Variants in KSR2 observed in about 807,000 individuals in gnomAD.
KSR2 encodes kinase suppressor of ras 2.
KSR2 carries 25 observed loss-of-function variants against 107.8 expected under a neutral mutation model. The observed-to-expected ratio is 0.23, with a 90% CI of 0.17 to 0.32. KSR2 has a LOEUF of 0.32. Among genes scored for constraint, KSR2 ranks in the 10% least tolerant of loss-of-function variants. The pLI is 1.00. For synonymous variants in KSR2, 480 were observed against 507.0 expected (o/e 0.95, Z 0.71); for missense variants, 887 against 1,268.9 (o/e 0.70, Z 4.57).
intron 1 of KSR2, among the ~76,000 whole-genome samples, chr12:117,917,092 C>A (rs1376435754): frequency 6.6e-6 from 1 of 152,152 alleles, no homozygotes; most frequent in African/African-American, 2.4e-5. Context: ...AGTAGCACAC[C>A]ATCCTCCCCA....
At chr12:117,471,035 A>G (rs918316348) in intron 18 of KSR2, among the ~76,000 whole-genome samples, 156 bp downstream of exon 18, 7 of 152,182 alleles carry the variant, frequency 4.6e-5, no homozygotes, top group Non-Finnish European at 8.8e-5. Flanking sequence ...CTTGCCTTTT[A>G]AGCTTCAAAC....
intron 14 of KSR2, among the ~76,000 whole-genome samples, chr12:117,519,745 T>C (rs565553066): frequency 6.6e-6 from 1 of 152,180 alleles, no homozygotes; most frequent in Non-Finnish European, 1.5e-5. Context: ...GTGTGTAATT[T>C]AGCGTATATA....
At chr12:117,951,593 C>T (rs937986033) in intron 1 of KSR2, among the ~76,000 whole-genome samples, 1 of 152,110 alleles carries the variant, frequency 6.6e-6, no homozygotes, top group Non-Finnish European at 1.5e-5. Context: ...TCCAACAACT[C>T]CAGACCCCCC....
At chr12:117,858,414 C>T (rs996661093) in intron 2 of KSR2, among the ~76,000 whole-genome samples, 2 of 151,978 alleles carry the variant, frequency 1.3e-5, no homozygotes, top group South Asian at 2.1e-4. Context: ...TAAGGAAATA[C>T]GAGATTGCGC....
intron 3 of KSR2, among the ~76,000 whole-genome samples, chr12:117,835,299 T>C (rs1892156665): frequency 6.6e-6 from 1 of 152,086 alleles, no homozygotes; most frequent in Non-Finnish European, 1.5e-5. Context: ...CAGGGAGAGA[T>C]GGTGCATGTA....
chr12:117,836,187 G>A (rs995920686), intron 3 of KSR2, among the ~76,000 whole-genome samples: 1 of 151,996 alleles, frequency 6.6e-6, no homozygotes, highest in African/African-American at 2.4e-5. Flanking sequence ...CCATCCACAG[G>A]GCAGTAGCAT....
intron 5 of KSR2, among the ~76,000 whole-genome samples, chr12:117,592,009 G>T (rs550371980): frequency 7.0e-6 from 1 of 142,382 alleles, no homozygotes; most frequent in African/African-American, 2.6e-5. Flanking sequence ...ATTCTGTCTC[G>T]AAAAAAAAAA....
intron 3 of KSR2, among the ~76,000 whole-genome samples, chr12:117,794,082 GCA>G (rs1162354779): frequency 1.1e-4 from 11 of 96,020 alleles, no homozygotes; most frequent in Admixed American, 3.3e-4. Flanking sequence ...ACACCAACAT[GCA>G]CACTCACACC....
intron 4 of KSR2, among the ~76,000 whole-genome samples, chr12:117,712,566 G>C: frequency 6.6e-6 from 1 of 152,176 alleles, no homozygotes; most frequent in East Asian, 1.9e-4. Context: ...CAATGAGCTT[G>C]GTCCCTACCT....
intron 3 of KSR2, among the ~76,000 whole-genome samples, chr12:117,788,355 T>G (rs1226793154): frequency 1.3e-5 from 2 of 152,210 alleles, no homozygotes; most frequent in Non-Finnish European, 2.9e-5. Context: ...GATCTGTGTT[T>G]TCCAAACTGT....
At chr12:117,595,207 G>A (rs923837629) in intron 5 of KSR2, among the ~76,000 whole-genome samples, 7 of 151,866 alleles carry the variant, frequency 4.6e-5, no homozygotes, top group African/African-American at 1.7e-4. Context: ...ACAGTGACAG[G>A]GCCTTTTCAC....
At position 117,462,379 on chromosome 12, in the gene KSR2, A is replaced by G. The variant is rs377269998; in HGVS notation, c.*4820T>C. 1.3e-5 allele frequency: 2 copies of G among 152,106 alleles called. No individual in the cohort carries two copies. Among genetic ancestry groups the G allele is most frequent in the Non-Finnish European group, 2.9e-5 (2 of 68,034 alleles). 9.4% of individuals were successfully genotyped at this position (152,106 alleles called of 1,614,324 possible). A position where few individuals can be genotyped will look rare whatever the true frequency, so the allele number is the denominator to read the frequency against. ...TGAAATAGGGTGGGCCCTTAATCCA[A>G]TGTGACTCGTGTCCTTATAAGAAGA... is the stretch of plus-strand genomic sequence containing the variant. On this transcript the variant is annotated 3_prime_UTR_variant, in exon 20 of 20. Transcript: ENST00000339824.
chr12:117,682,475 C>T (rs554240341), intron 4 of KSR2, among the ~76,000 whole-genome samples: 18 of 151,728 alleles, frequency 1.2e-4, no homozygotes, highest in African/African-American at 3.4e-4. Context: ...TGGAATGCAA[C>T]GGCGCAATCT....
chr12:117,906,366 A>AC lies in KSR2; in HGVS notation c.181-45936_181-45935insG, dbSNP rs1397397946. On this transcript the variant is annotated intron_variant, in intron 1 of 19. Coordinates refer to ENST00000339824, the MANE Select transcript of KSR2 (RefSeq NM_173598.6). ...AAAACTCTGTCTCAAAAAAAAAAAAAAAAAAAAAAACTTGCCTTGATCACC... is the reference window on the plus strand; with the variant it reads ...AAAACTCTGTCTCAAAAAAAAAAAAACAAAAAAAAAACTTGCCTTGATCACC... Among the ~76,000 whole-genome samples the AC allele has an allele frequency of 5.5e-3, 825 of 149,942 alleles. 9 individuals are homozygous for AC. The highest frequency in any genetic ancestry group is 0.019 in the African/African-American group (788 of 40,640).
intron 19 of KSR2, 38 bp downstream of exon 19, chr12:117,469,624 C>A (rs780446852): frequency 6.2e-7 from 1 of 1,603,922 alleles, no homozygotes; most frequent in Non-Finnish European, 8.5e-7. Context: ...GGGCAGAGGA[C>A]AAGGCAGTGG....
chr12:117,717,423 G>A (rs993789081), intron 4 of KSR2, among the ~76,000 whole-genome samples: 1 of 152,138 alleles, frequency 6.6e-6, no homozygotes, highest in East Asian at 1.9e-4. Context: ...GGAGGCTGAG[G>A]TGGGAAGATC....
chr12:117,931,866 T>C (rs537957575), intron 1 of KSR2, among the ~76,000 whole-genome samples: 1 of 152,350 alleles, frequency 6.6e-6, no homozygotes, highest in African/African-American at 2.4e-5. Context: ...TTTGCACCTA[T>C]TGTCTAATCC....
chr12:117,738,772 G>A (rs1274200148), intron 4 of KSR2, among the ~76,000 whole-genome samples: 1 of 152,162 alleles, frequency 6.6e-6, no homozygotes, highest in African/African-American at 2.4e-5. Context: ...CTACTCAGGA[G>A]GCTGAAGCAG....
intron 1 of KSR2, among the ~76,000 whole-genome samples, chr12:117,966,648 T>A (rs4767647): frequency 1.5e-5 from 2 of 135,992 alleles, no homozygotes; most frequent in African/African-American, 5.3e-5. Flanking sequence ...CACACACACA[T>A]GCTGTCTCTC....
Sources: gnomAD v4.1 joint callset for allele counts (sites outside exome capture counted in the v4.1 genomes callset) on GRCh38, gnomAD v4.1.1 for gene constraint, MANE v1.5 for transcripts, NCBI Gene and HGNC (gene_info 2026-07-23, HGNC 2026-07-21) for gene names.